GPC6: variants seen among roughly 807,000 people sequenced by gnomAD.
GPC6 encodes glypican 6, also known as glypican-6.
GPC6 carries 14 observed loss-of-function variants against 55.2 expected under a neutral mutation model. The observed-to-expected ratio is 0.25, with a 90% CI of 0.17 to 0.40. GPC6 has a LOEUF of 0.40. Among genes scored for constraint, GPC6 ranks in the 10% least tolerant of loss-of-function variants. GPC6 has a pLI of 1.00. For synonymous variants in GPC6, 278 were observed against 259.6 expected (o/e 1.07, Z -0.68); for missense variants, 641 against 708.5 (o/e 0.90, Z 1.08).
At chr13:93,784,501 C>T (rs1173792342) in intron 2 of GPC6, among the ~76,000 whole-genome samples, 2 of 152,172 alleles carry the variant, frequency 1.3e-5, no homozygotes, top group Admixed American at 6.6e-5. Flanking sequence ...ACACCCATGG[C>T]TCTGCTCACA....
intron 3 of GPC6, among the ~76,000 whole-genome samples, chr13:93,889,858 G>A (rs926902527): frequency 6.6e-6 from 1 of 151,912 alleles, no homozygotes; most frequent in Non-Finnish European, 1.5e-5. Flanking sequence ...TTATCTAAGG[G>A]TGATATGCAA....
At chr13:93,337,472 C>T (rs9561315) in intron 1 of GPC6, among the ~76,000 whole-genome samples, 18,078 of 151,696 alleles carry the variant, frequency 0.12, 1,443 homozygotes, top group East Asian at 0.38. Context: ...AACAGTCCTA[C>T]TTATTAAGTG....
chr13:93,482,381 C>G (rs528474666), intron 1 of GPC6, among the ~76,000 whole-genome samples: 1 of 151,988 alleles, frequency 6.6e-6, no homozygotes, highest in East Asian at 1.9e-4. Context: ...GCTTAATTGC[C>G]CTTCTGAGGG....
chr13:94,023,868 G>C (rs1376990323), intron 3 of GPC6, among the ~76,000 whole-genome samples: 1 of 151,832 alleles, frequency 6.6e-6, no homozygotes, highest in African/African-American at 2.4e-5. Flanking sequence ...GAAAAAAAAA[G>C]TCAAGCTCAA....
At chr13:93,859,152 G>T (rs1056626725) in intron 3 of GPC6, among the ~76,000 whole-genome samples, 6 of 151,226 alleles carry the variant, frequency 4.0e-5, no homozygotes, top group Non-Finnish European at 7.4e-5. Flanking sequence ...TTTTATTCTT[G>T]GCATTATTGT....
At chr13:93,302,461 G>T (rs1039484701) in intron 1 of GPC6, among the ~76,000 whole-genome samples, 1 of 152,150 alleles carries the variant, frequency 6.6e-6, no homozygotes, top group African/African-American at 2.4e-5. Context: ...GTATTCAGTG[G>T]ACAGTATGCA....
At chr13:93,962,238 C>G (rs1372410339) in intron 3 of GPC6, among the ~76,000 whole-genome samples, 3 of 152,128 alleles carry the variant, frequency 2.0e-5, no homozygotes, top group African/African-American at 7.2e-5. Context: ...AGCAAAGTTC[C>G]TGCATAACAT....
In GPC6 at chr13:94,080,794, T is replaced by A. The variant is rs371040840; in HGVS notation, c.877+52900T>A. Among the ~76,000 whole-genome samples the A allele has an allele frequency of 2.0e-5, 3 of 152,186 alleles. No individual in the cohort carries two copies. In the East Asian group the frequency reaches 5.8e-4, roughly 29 times the overall value. On this transcript the variant is annotated intron_variant, in intron 4 of 8. Transcript: ENST00000377047. ...CCATGATGGCCTCCTTATGACCTCT[T>A]CTAACCTTAATTTCTTTCCCAAAAC...
intron 2 of GPC6, among the ~76,000 whole-genome samples, chr13:93,638,916 T>C (rs1193440229): frequency 2.6e-5 from 4 of 152,128 alleles, no homozygotes; most frequent in Admixed American, 2.6e-4. Context: ...AAAAATAGTG[T>C]ATATGTTAAA....
chr13:94,078,107 G>A (rs1884980939), intron 4 of GPC6, among the ~76,000 whole-genome samples: 1 of 151,848 alleles, frequency 6.6e-6, no homozygotes, highest in African/African-American at 2.4e-5. Context: ...TCAGTGACAG[G>A]AGGCAGATTG....
intron 2 of GPC6, among the ~76,000 whole-genome samples, chr13:93,662,240 T>A (rs1880954498): frequency 6.6e-6 from 1 of 152,200 alleles, no homozygotes; most frequent in South Asian, 2.1e-4. Flanking sequence ...TTTCTTGTAG[T>A]AAGTCACTCG....
At chr13:94,145,175 G>A (rs935712005) in intron 4 of GPC6, among the ~76,000 whole-genome samples, 5 of 151,934 alleles carry the variant, frequency 3.3e-5, no homozygotes, top group African/African-American at 4.8e-5. Context: ...ATGGATGGAC[G>A]GATGATGAAT....
intron 4 of GPC6, among the ~76,000 whole-genome samples, chr13:94,235,698 T>C (rs1890858429): frequency 6.6e-6 from 1 of 152,110 alleles, no homozygotes; most frequent in South Asian, 2.1e-4. Context: ...TTATACAGCA[T>C]CCTACCTCCT....
At chr13:93,670,351 G>A (rs1356535973) in intron 2 of GPC6, among the ~76,000 whole-genome samples, 1 of 152,110 alleles carries the variant, frequency 6.6e-6, no homozygotes, top group Non-Finnish European at 1.5e-5. Context: ...GCTTGGCACA[G>A]GTTCTTGAAG....
intron 4 of GPC6, among the ~76,000 whole-genome samples, chr13:94,127,002 T>C (rs912569086): frequency 6.6e-6 from 1 of 152,124 alleles, no homozygotes; most frequent in Admixed American, 6.6e-5. Context: ...AAAATTATAT[T>C]ATCTCTTAAG....
chr13:94,303,247 C>A (rs139461074), intron 5 of GPC6, among the ~76,000 whole-genome samples: 2,061 of 152,312 alleles, frequency 0.014, 24 homozygotes, highest in Middle Eastern at 0.027. Context: ...GGGTTTATAT[C>A]CCGATCATTG....
intron 2 of GPC6, among the ~76,000 whole-genome samples, chr13:93,819,256 AC>A (rs771392942): frequency 3.3e-5 from 5 of 152,176 alleles, no homozygotes; most frequent in Non-Finnish European, 7.3e-5. Context: ...CTTTGGGTCC[AC>A]ATCCCAGATT....
At chr13:93,717,308 A>C (rs927454574) in intron 2 of GPC6, among the ~76,000 whole-genome samples, 1 of 151,696 alleles carries the variant, frequency 6.6e-6, no homozygotes, top group African/African-American at 2.4e-5. Flanking sequence ...TTTTAAAATT[A>C]GAGTCTTCTT....
At chr13:93,777,637 G>A (rs1386601894) in intron 2 of GPC6, among the ~76,000 whole-genome samples, 2 of 152,142 alleles carry the variant, frequency 1.3e-5, no homozygotes, top group Non-Finnish European at 2.9e-5. Flanking sequence ...TCCCTGTATA[G>A]TAATAACATT....
Sources: allele counts gnomAD v4.1 joint callset (sites outside exome capture counted in the v4.1 genomes callset), GRCh38; gene constraint gnomAD v4.1.1; transcripts MANE v1.5; gene names NCBI Gene and HGNC (gene_info 2026-07-23, HGNC 2026-07-21).